Variants in KIRREL3 observed in about 807,000 individuals in gnomAD.
KIRREL3 encodes kin of IRRE-like protein 3.
A neutral mutation model predicts 89.7 loss-of-function variants in KIRREL3; 36 were observed. That is an observed-to-expected ratio of 0.40 (90% CI 0.31 to 0.53). KIRREL3 has a LOEUF of 0.53. Among genes scored for constraint, KIRREL3 ranks in the 20% least tolerant of loss-of-function variants. The pLI is 0.49. For synonymous variants in KIRREL3, 445 were observed against 441.4 expected, an observed-to-expected ratio of 1.01 and a Z score of -0.10; for missense variants, 864 against 1,056.6, an observed-to-expected ratio of 0.82 and a Z score of 2.53.
intron 1 of KIRREL3, among the ~76,000 whole-genome samples, chr11:126,659,189 G>T (rs1018942917): frequency 1.3e-5 from 2 of 152,050 alleles, no homozygotes; most frequent in Admixed American, 6.5e-5. Flanking sequence ...TTTTCTTCAA[G>T]AATCTCAGAC....
intron 1 of KIRREL3, among the ~76,000 whole-genome samples, chr11:126,790,004 C>T (rs913759254): frequency 2.0e-5 from 3 of 152,166 alleles, no homozygotes; most frequent in African/African-American, 7.2e-5. Flanking sequence ...AGTCCTGAAC[C>T]TCTTGATGTC....
chr11:126,719,332 G>C lies in KIRREL3; in HGVS notation c.56-156420C>G, dbSNP rs1948084645. On this transcript the variant is annotated intron_variant, in intron 1 of 16. Transcript: ENST00000525144. This position sits in a 1 kb window ranked among gnomAD's most constrained non-coding sequence, Gnocchi z 4.7. Reference sequence around the variant, plus strand: ...CGCCTTCTTCTCTTAGCCTCTGGGAGAGCAGTCTCTTACGGGTCTACTCTT... The same window carrying C: ...CGCCTTCTTCTCTTAGCCTCTGGGACAGCAGTCTCTTACGGGTCTACTCTT... 6.6e-6 allele frequency among the ~76,000 whole-genome samples: 1 copy of C among 152,186 alleles called. No individual in the cohort carries two copies. Among genetic ancestry groups the C allele is most frequent in the African/African-American group, 2.4e-5 (1 of 41,448 alleles).
rs1051615200 is a variant in KIRREL3 at position 126,522,366 on chromosome 11, C to T, written c.284-902G>A. The stretch of plus-strand genomic sequence containing the variant: ...TGCAAAAATTTTGTTTCAGGATGGA[C>T]AGGAAGTAGAAATCTAGGCCCGCCC... On this transcript the variant is annotated intron_variant, in intron 3 of 16. Coordinates refer to ENST00000525144, the MANE Select transcript of KIRREL3 (RefSeq NM_032531.4). This position sits in a 1 kb window ranked among gnomAD's most constrained non-coding sequence, Gnocchi z 6.0. Among the ~76,000 whole-genome samples the T allele has an allele frequency of 6.6e-6, 1 of 152,096 alleles. No individual in the cohort carries two copies. Among genetic ancestry groups the T allele is most frequent in the African/African-American group, 2.4e-5 (1 of 41,410 alleles).
Position 126,877,055 on chromosome 11 carries a change from C to T in KIRREL3, c.55+123400G>A, listed in dbSNP as rs551934216. Among the ~76,000 whole-genome samples the T allele has an allele frequency of 1.6e-4, 24 of 152,256 alleles. No individual in the cohort carries two copies. Among genetic ancestry groups the T allele is most frequent in the Middle Eastern group, 3.4e-3 (1 of 294 alleles). Reference sequence around the variant, plus strand: ...GCATAAGAATAAAGGTTGGTTGTGGCGCTTGGCCAAAGCAGGGCTGGGGAC... The same window carrying T: ...GCATAAGAATAAAGGTTGGTTGTGGTGCTTGGCCAAAGCAGGGCTGGGGAC... On this transcript the variant is annotated intron_variant, in intron 1 of 16. Transcript: ENST00000525144. This position sits in a 1 kb window ranked among gnomAD's most constrained non-coding sequence, Gnocchi z 4.9.
chr11:126,434,651 C>T (rs377340394), intron 13 of KIRREL3, among the ~76,000 whole-genome samples: 2 of 152,312 alleles, frequency 1.3e-5, no homozygotes, highest in South Asian at 2.1e-4. Flanking sequence ...GTTTTCTGCT[C>T]GGGGTGGGGT....
At chr11:126,887,458 T>C (rs1010188055) in intron 1 of KIRREL3, among the ~76,000 whole-genome samples, 1 of 152,180 alleles carries the variant, frequency 6.6e-6, no homozygotes, top group African/African-American at 2.4e-5. Context: ...GCTTCTGTGC[T>C]GTTCTTTTTC....
At chr11:126,722,969 G>A (rs764339404) in intron 1 of KIRREL3, among the ~76,000 whole-genome samples, 4 of 152,112 alleles carry the variant, frequency 2.6e-5, no homozygotes, top group Admixed American at 6.5e-5. Context: ...AGCTTCAAGC[G>A]TCACCTCTAT....
rs965629149 is a variant in KIRREL3 at position 126,748,162 on chromosome 11, T to C, written c.56-185250A>G. Among the ~76,000 whole-genome samples the C allele has an allele frequency of 3.3e-5, 5 of 152,152 alleles. No homozygotes were observed. Among genetic ancestry groups the C allele is most frequent in the African/African-American group, 9.7e-5 (4 of 41,444 alleles). ...ATTCCCGTTCCAGTGACTTCAGAGG[T>C]GGCCCAGGGCCCATCATTTGGGGGC... On this transcript the variant is annotated intron_variant, in intron 1 of 16. Transcript: ENST00000525144. The surrounding 1 kb of genome is among the most constrained non-coding windows in gnomAD (Gnocchi z 4.6).
At position 126,618,953 on chromosome 11, in the gene KIRREL3, G is replaced by A. The variant is rs546624491; in HGVS notation, c.56-56041C>T. Among the ~76,000 whole-genome samples the A allele has an allele frequency of 2.0e-4, 30 of 152,302 alleles. 1 individual carries two copies. In the South Asian group the frequency reaches 5.8e-3, roughly 29 times the overall value. On this transcript the variant is annotated intron_variant, in intron 1 of 16. Coordinates refer to ENST00000525144, the MANE Select transcript of KIRREL3 (RefSeq NM_032531.4). The stretch of plus-strand genomic sequence containing the variant: ...TTAATACGTGTCCACTGTGTGTCAG[G>A]TACTATTCTAGAACCTGGCAGGCCA...
chr11:126,858,971 T>C (rs905583535), intron 1 of KIRREL3, among the ~76,000 whole-genome samples: 2 of 152,146 alleles, frequency 1.3e-5, no homozygotes, highest in Non-Finnish European at 2.9e-5. Flanking sequence ...AGGAGAGAAG[T>C]GGCAGCCGCT....
intron 1 of KIRREL3, among the ~76,000 whole-genome samples, chr11:126,914,087 T>C (rs1217713448): frequency 6.6e-6 from 1 of 152,230 alleles, no homozygotes; most frequent in Non-Finnish European, 1.5e-5. Context: ...TGATGCCACA[T>C]GTGAGCAGGT....
At chr11:126,665,012 T>G (rs533847980) in intron 1 of KIRREL3, among the ~76,000 whole-genome samples, 18 of 152,342 alleles carry the variant, frequency 1.2e-4, no homozygotes, top group African/African-American at 3.6e-4. Context: ...CTTCTCACAA[T>G]GAGCAGACAC....
At chr11:126,626,830 A>G (rs1943806530) in intron 1 of KIRREL3, among the ~76,000 whole-genome samples, 2 of 152,128 alleles carry the variant, frequency 1.3e-5, no homozygotes, top group Non-Finnish European at 2.9e-5. Context: ...CCCATGTTTC[A>G]CCCCATGTTT....
Position 126,563,690 on chromosome 11 carries a change from CT to C in KIRREL3, c.56-779del, listed in dbSNP as rs972161847. ...TCCAGGTAGCAAATGCAAGAGATAA[CT>C]TTTTTATTTGCACAGTATTTTGTAA... On this transcript the variant is annotated intron_variant, in intron 1 of 16. Coordinates refer to ENST00000525144, the MANE Select transcript of KIRREL3 (RefSeq NM_032531.4). This position sits in a 1 kb window ranked among gnomAD's most constrained non-coding sequence, Gnocchi z 6.8. Among the ~76,000 whole-genome samples the C allele has an allele frequency of 5.3e-5, 8 of 152,154 alleles. No homozygotes were observed. Among genetic ancestry groups the C allele is most frequent in the Admixed American group, 4.6e-4 (7 of 15,276 alleles).
At chr11:126,799,388 A>G (rs1488892196) in intron 1 of KIRREL3, among the ~76,000 whole-genome samples, 1 of 7,320 alleles carries the variant, frequency 1.4e-4, no homozygotes, top group East Asian at 6.0e-3. Flanking sequence ...GCATGCGTGT[A>G]TCTGTGTGTG....
At chr11:126,792,370 T>A (rs534129272) in intron 1 of KIRREL3, among the ~76,000 whole-genome samples, 9 of 152,276 alleles carry the variant, frequency 5.9e-5, no homozygotes, top group African/African-American at 2.2e-4. Flanking sequence ...TATTTTTCAG[T>A]TGAGAAAATG....
intron 1 of KIRREL3, among the ~76,000 whole-genome samples, chr11:126,657,266 A>AATC (rs1555170319): frequency 1.0e-3 from 155 of 151,324 alleles, no homozygotes; most frequent in Middle Eastern, 3.4e-3. Context: ...ATAAATAAAT[A>AATC]AATAAATAAA....
intron 1 of KIRREL3, among the ~76,000 whole-genome samples, chr11:126,713,108 G>A (rs1198077479): frequency 6.6e-6 from 1 of 152,192 alleles, no homozygotes; most frequent in Non-Finnish European, 1.5e-5. Flanking sequence ...AAGCACAGGG[G>A]GCTGTGGAAG....
At position 126,571,747 on chromosome 11, in the gene KIRREL3, G is replaced by A. The variant is rs1052230172; in HGVS notation, c.56-8835C>T. Among the ~76,000 whole-genome samples, 6 of 152,114 alleles carry A rather than the reference G, an allele frequency of 3.9e-5. No homozygotes were observed. The East Asian group carries it at 5.8e-4, about 15-fold the overall frequency. On this transcript the variant is annotated intron_variant, in intron 1 of 16. Transcript: ENST00000525144. The surrounding 1 kb of genome is among the most constrained non-coding windows in gnomAD (Gnocchi z 7.7). Reference sequence around the variant, plus strand: ...ATTCTTTGGACTTCCAGTATAATCCGTTTGTGAGAGGGGTGGGGCGGGGGG... The same window carrying A: ...ATTCTTTGGACTTCCAGTATAATCCATTTGTGAGAGGGGTGGGGCGGGGGG...
Sources: allele counts gnomAD v4.1 joint callset (sites outside exome capture counted in the v4.1 genomes callset), GRCh38; gene constraint gnomAD v4.1.1; non-coding constraint Gnocchi (gnomAD v3.1); transcripts MANE v1.5; gene names NCBI Gene and HGNC (gene_info 2026-07-23, HGNC 2026-07-21).